The following SCN1A variants were observed in gnomAD, a reference collection of about 807,000 sequenced individuals.
The protein encoded by SCN1A is sodium voltage-gated channel alpha subunit 1, also known as sodium channel protein type 1 subunit alpha.
A neutral mutation model predicts 193.7 loss-of-function variants in SCN1A; 13 were observed. The observed-to-expected ratio is 0.07, with a 90% CI of 0.04 to 0.11. The LOEUF is 0.11. SCN1A is among the 10% of genes least tolerant of loss of function. The pLI is 1.00. For missense variants in SCN1A, 1,432 were observed against 2,451.1 expected, an observed-to-expected ratio of 0.58 and a Z score of 8.78; for synonymous variants, 781 against 843.6, an observed-to-expected ratio of 0.93 and a Z score of 1.29.
At chr2:166,105,937 C>T (rs1383391847) in intron 2 of SCN1A, among the ~76,000 whole-genome samples, 1 of 152,186 alleles carries the variant, frequency 6.6e-6, no homozygotes, top group Non-Finnish European at 1.5e-5. Context: ...CCTGTAATCC[C>T]AGCACTTTGG....
intron 2 of SCN1A, among the ~76,000 whole-genome samples, chr2:166,114,168 G>A (rs575382341): frequency 2.0e-5 from 3 of 152,200 alleles, no homozygotes; most frequent in East Asian, 1.9e-4. Flanking sequence ...TAAGAAGAAA[G>A]TTGTTTTCTG....
Position 166,051,820 on chromosome 2 carries a change from T to C in SCN1A, c.863A>G (p.Glu288Gly). Reference sequence around the variant, plus strand: ...TATATTCTTTTCTATACTATGTTCCTCCAAGGAAGCATTGGTGGGAGGCCA... The same window carrying C: ...TATATTCTTTTCTATACTATGTTCCCCCAAGGAAGCATTGGTGGGAGGCCA... The part of the protein sequence containing the change: ...IQWPPTNASL[E>G]EHSIEKNITV... The change falls in exon 9 of 29, where the codon GAG (glutamate) becomes GGG (glycine). Residue 288 changes from glutamate to glycine, a missense_variant. Physicochemically the swap from Glu to Gly is moderately conservative, Grantham distance 98. Coordinates refer to ENST00000674923, the MANE Select transcript of SCN1A (RefSeq NM_001165963.4). 6.2e-7 allele frequency: 1 copy of C among 1,612,342 alleles called. No homozygotes were observed. Among genetic ancestry groups the C allele is most frequent in the Non-Finnish European group, 8.5e-7 (1 of 1,178,812 alleles).
At chr2:166,145,105 GGATTACAGGCGT>G (rs1345393641) in intron 1 of SCN1A, among the ~76,000 whole-genome samples, 4 of 150,514 alleles carry the variant, frequency 2.7e-5, no homozygotes, top group African/African-American at 9.8e-5. Context: ...CAAAGTGTTG[GGATTACAGGCGT>G]GAGCCACTGC....
intron 3 of SCN1A, among the ~76,000 whole-genome samples, chr2:166,075,785 C>A (rs111897047): frequency 6.6e-6 from 1 of 151,946 alleles, no homozygotes; most frequent in Admixed American, 6.6e-5. Context: ...ATTCTCCTGA[C>A]AGCAATGTAA....
intron 5 of SCN1A, among the ~76,000 whole-genome samples, chr2:166,057,985 T>TG (rs1385609372): frequency 2.0e-5 from 3 of 152,084 alleles, no homozygotes; most frequent in Admixed American, 1.3e-4. Flanking sequence ...CAGTTTTGCA[T>TG]GGCAGCATCA....
intron 2 of SCN1A, among the ~76,000 whole-genome samples, chr2:166,109,249 T>C (rs966901271): frequency 1.3e-5 from 2 of 152,186 alleles, no homozygotes; most frequent in Non-Finnish European, 2.9e-5. Context: ...TGGATCCTAC[T>C]CTGACTAACT....
At position 166,009,425 on chromosome 2, in the gene SCN1A, T is replaced by C. The variant is rs1175537753; in HGVS notation, c.4002+294A>G. On this transcript the variant is annotated intron_variant, in intron 23 of 28. Coordinates refer to ENST00000674923, the MANE Select transcript of SCN1A (RefSeq NM_001165963.4). Reference sequence around the variant, plus strand: ...CATTATATCATTACACATAGTACTTTAATAATGCATCAGCTTTTTTTTGTA... The same window carrying C: ...CATTATATCATTACACATAGTACTTCAATAATGCATCAGCTTTTTTTTGTA... The C allele has an allele frequency of 3.4e-5, 8 of 233,090 alleles. No homozygotes were observed. In the Admixed American group the frequency reaches 4.1e-4, roughly 12 times the overall value. The allele number at this position is 233,090 out of a possible 1,614,324, so 14.4% of individuals were successfully genotyped here.
chr2:166,113,632 C>A (rs1032235887), intron 2 of SCN1A, among the ~76,000 whole-genome samples: 1 of 151,776 alleles, frequency 6.6e-6, no homozygotes, highest in African/African-American at 2.4e-5. Context: ...TGTAGATTAC[C>A]CTCTGAGAAT....
rs546870788 is a variant in SCN1A at position 165,994,389 on chromosome 2, A to C, written c.4609T>G (p.Phe1537Val). 1 of 1,612,900 alleles carries C rather than the reference A, an allele frequency of 6.2e-7. No homozygotes were observed. The highest frequency in any genetic ancestry group is 1.3e-5 in the African/African-American group (1 of 74,958). The change falls in exon 28 of 29, where the codon TTC becomes GTC. Residue 1537 changes from phenylalanine (F) to valine (V), a missense_variant. By Grantham distance (50) the Phe-to-Val change is conservative (BLOSUM62 -1). This residue lies in a region of SCN1A where 85 missense variants were observed against 119.1 expected (regional missense o/e 0.71). Transcript: ENST00000674923. ...ATGTCAAAAACTTGTCTGGTTACGA[A>C]GTCAAAGACCATTCCTTGAAATTTG... ...GNKFQGMVFD[F>V]VTRQVFDISI...
In SCN1A at chr2:165,986,480, A is replaced by C. The variant is rs1688616780; in HGVS notation, c.*4765T>G. ...TTTCTAAAATATTCTTATTTTAATT[A>C]AACAGTGATTATTATGAAGAACAAG... On this transcript the variant is annotated 3_prime_UTR_variant, in exon 29 of 29. Transcript: ENST00000674923. 2 of 152,238 alleles carry C rather than the reference A, an allele frequency of 1.3e-5. No homozygotes were observed. The highest frequency in any genetic ancestry group is 4.1e-4 in the South Asian group (2 of 4,824). 9.4% of individuals were successfully genotyped at this position (152,238 alleles called of 1,614,324 possible). A position where few individuals can be genotyped will look rare whatever the true frequency, so the allele number is the denominator to read the frequency against.
At chr2:166,144,523 G>A (rs912651487) in intron 1 of SCN1A, among the ~76,000 whole-genome samples, 6 of 152,062 alleles carry the variant, frequency 3.9e-5, no homozygotes, top group South Asian at 2.1e-4. Context: ...TACATATACC[G>A]GAAAATTAAT....
rs774050455 is a variant in SCN1A, at chr2:166,043,819, C to A, written c.1893G>T (p.Met631Ile). 1.2e-6 allele frequency: 2 copies of A among 1,614,214 alleles called. No individual in the cohort carries two copies. Among genetic ancestry groups the A allele is most frequent in the East Asian group, 4.5e-5 (2 of 44,884 alleles). Residue 631 changes from methionine (M) to isoleucine (I), a missense_variant, in exon 14 of 29, where the codon ATG becomes ATT. Coordinates refer to ENST00000674923, the MANE Select transcript of SCN1A (RefSeq NM_001165963.4). Reference protein sequence around the residue: ...NLSQTSRSSRMLAVFPANGKM... With the variant: ...NLSQTSRSSRILAVFPANGKM... ...TCCCATTCGCTGGAAACACTGCCAG[C>A]ATCCGGGATGACCTACTGGTCTGAC...
rs981824621 is a variant in SCN1A, at chr2:166,058,578, C to G, written c.375G>C (p.Leu125Phe). ...NPLRKIAIKILVHSLFSMLIM... is the reference protein window; with the variant it reads ...NPLRKIAIKIFVHSLFSMLIM... ...CACTTGAAAAAGGATATGAATGTAC[C>G]AAAATCTTAATAGCTATTTTCCTAA... Residue 125 changes from leucine (L) to phenylalanine (F), a missense_variant, in exon 5 of 29, where the codon TTG becomes TTC. Around this residue, in one of 18 missense-constraint regions of SCN1A, gnomAD observed 123 missense variants for 282.8 expected, o/e 0.43. Coordinates refer to ENST00000674923, the MANE Select transcript of SCN1A (RefSeq NM_001165963.4). 1 of 1,581,834 alleles carries G rather than the reference C, an allele frequency of 6.3e-7. No homozygotes were observed. The highest frequency in any genetic ancestry group is 1.1e-5 in the South Asian group (1 of 90,340).
chr2:166,104,822 A>G (rs1238870716), intron 2 of SCN1A, among the ~76,000 whole-genome samples: 1 of 152,248 alleles, frequency 6.6e-6, no homozygotes. Context: ...AACAGCCTTC[A>G]CAGACATTTG....
rs539700765 is a variant in SCN1A, at chr2:166,014,827, A to G, written c.3550+780T>C. On this transcript the variant is annotated intron_variant, in intron 20 of 28. Transcript: ENST00000674923. ...CTGTTCAAAAAGAGAAAGAGTTTTCATAGGATAATGTATATTATCGGGTAA... is the reference window on the plus strand; with the variant it reads ...CTGTTCAAAAAGAGAAAGAGTTTTCGTAGGATAATGTATATTATCGGGTAA... Among the ~76,000 whole-genome samples, 61 of 151,936 alleles carry G rather than the reference A, an allele frequency of 4.0e-4. 1 individual carries two copies. The highest frequency in any genetic ancestry group is 1.4e-3 in the African/African-American group (60 of 41,524).
At chr2:166,119,365 T>A (rs970559315) in intron 2 of SCN1A, among the ~76,000 whole-genome samples, 2 of 152,194 alleles carry the variant, frequency 1.3e-5, no homozygotes, top group African/African-American at 4.8e-5. Context: ...CACTTGCCAT[T>A]CCATTTGATA....
intron 26 of SCN1A, among the ~76,000 whole-genome samples, chr2:165,996,484 A>G (rs1285987929): frequency 6.6e-6 from 1 of 151,424 alleles, no homozygotes; most frequent in Non-Finnish European, 1.5e-5. Flanking sequence ...AAAGGCAATA[A>G]TTTTCTTATT....
chr2:166,095,743 G>T (rs979472277), intron 2 of SCN1A, among the ~76,000 whole-genome samples: 2 of 152,046 alleles, frequency 1.3e-5, no homozygotes, highest in African/African-American at 4.8e-5. Flanking sequence ...ATTCCTAAAG[G>T]TTTCAAGGTT....
intron 19 of SCN1A, among the ~76,000 whole-genome samples, chr2:166,032,238 G>GCTCCTCAACTT (rs1695729304): frequency 4.3e-4 from 7 of 16,158 alleles, no homozygotes; most frequent in Admixed American, 1.3e-3. Flanking sequence ...CACACACAGA[G>GCTCCTCAACTT]ACAGAGAGAG....
Sources: gnomAD v4.1 joint callset for allele counts (sites outside exome capture counted in the v4.1 genomes callset) on GRCh38, gnomAD v4.1.1 for gene constraint, gnomAD v4.1.1 regional missense constraint, MANE v1.5 for transcripts, NCBI Gene and HGNC (gene_info 2026-07-23, HGNC 2026-07-21) for gene names.